The following RHOF variants were observed in gnomAD, a reference collection of about 807,000 sequenced individuals.
RHOF encodes the protein ras homolog family member F, filopodia associated.
A neutral mutation model predicts 22.2 loss-of-function variants in RHOF; 21 were observed. That is an observed-to-expected ratio of 0.95 (90% CI 0.67 to 1.36). The LOEUF (loss-of-function observed/expected upper bound fraction) is 1.36, where lower values mean the gene tolerates loss of function less well. Ranked by LOEUF, RHOF falls within the 40% of genes most tolerant of loss-of-function variation. The pLI, the probability that RHOF is intolerant of heterozygous loss-of-function variation, is 0.00. For synonymous variants in RHOF, 135 were observed against 131.2 expected (o/e 1.03, Z -0.20); for missense variants, 285 against 293.7 (o/e 0.97, Z 0.22).
intron 2 of RHOF, among the ~76,000 whole-genome samples, chr12:121,789,747 C>T (rs1253090205): frequency 6.6e-6 from 1 of 152,200 alleles, no homozygotes; most frequent in African/African-American, 2.4e-5. Flanking sequence ...TTCTGGGGCT[C>T]ACAACACACA....
intron 2 of RHOF, among the ~76,000 whole-genome samples, 182 bp downstream of exon 2, chr12:121,792,970 T>TA (rs1212914420): frequency 6.6e-6 from 1 of 152,158 alleles, no homozygotes; most frequent in Non-Finnish European, 1.5e-5. Context: ...ACCTTCCACT[T>TA]ACGTATAGGG....
At chr12:121,788,732 CT>C in intron 2 of RHOF, among the ~76,000 whole-genome samples, 2 of 152,196 alleles carry the variant, frequency 1.3e-5, no homozygotes, top group South Asian at 4.2e-4. Context: ...AACCCTCCCC[CT>C]AATCTGGAAG....
At chr12:121,790,178 CT>C (rs1315468163) in intron 2 of RHOF, among the ~76,000 whole-genome samples, 3 of 152,248 alleles carry the variant, frequency 2.0e-5, no homozygotes, top group African/African-American at 7.2e-5. Flanking sequence ...ACGAGGGCCC[CT>C]GTGGGCAGCG....
At chr12:121,793,462 C>A (rs2707067) in intron 1 of RHOF, 34 bp downstream of exon 1, 1,258,442 of 1,537,316 alleles carry the variant, frequency 0.82, 517,691 homozygotes, top group East Asian at 0.99. Flanking sequence ...AGGGGCGTCC[C>A]TCGCCCCCAC....
Position 121,779,747 on chromosome 12 carries a change from G to A in RHOF, c.472-85C>T, listed in dbSNP as rs944351454. On this transcript the variant is annotated intron_variant, in intron 4 of 4. Transcript: ENST00000267205. The stretch of plus-strand genomic sequence containing the variant: ...CTGGTGGGTTTGGGACTGGCTCTGA[G>A]GACTCTGCAGGGATGGAGGCCTTGG... The A allele has an allele frequency of 7.7e-6, 11 of 1,423,514 alleles. No individual in the cohort carries two copies. In the South Asian group the frequency reaches 1.3e-4, roughly 17 times the overall value. The allele number at this position is 1,423,514 out of a possible 1,614,324, so 88.2% of individuals were successfully genotyped here.
At chr12:121,789,149 G>A (rs1487549049) in intron 2 of RHOF, among the ~76,000 whole-genome samples, 1 of 152,108 alleles carries the variant, frequency 6.6e-6, no homozygotes, top group Non-Finnish European at 1.5e-5. Context: ...AGGATCACTT[G>A]AGCCCAAGAG....
At chr12:121,792,721 C>T (rs909787277) in intron 2 of RHOF, among the ~76,000 whole-genome samples, 1 of 152,212 alleles carries the variant, frequency 6.6e-6, no homozygotes, top group Non-Finnish European at 1.5e-5. Flanking sequence ...GATCTGCAGC[C>T]GGGAGCATCC....
chr12:121,781,037 C>T (rs373979678), intron 3 of RHOF, 31 bp from the exon 4 acceptor site: 681 of 1,612,990 alleles, frequency 4.2e-4, no homozygotes, highest in Non-Finnish European at 5.1e-4. Flanking sequence ...ATCAGGGGTG[C>T]GGCCGGGCCC....
At chr12:121,792,025 T>G (rs1168672) in intron 2 of RHOF, among the ~76,000 whole-genome samples, 119,125 of 152,208 alleles carry the variant, frequency 0.78, 47,242 homozygotes, top group East Asian at 0.98. Flanking sequence ...TGTTTTGGGG[T>G]TGGCCCTACA....
rs940556374 is a variant in RHOF, at chr12:121,785,725, C to T, written c.227-4533G>A. Among the ~76,000 whole-genome samples, 5 of 151,472 alleles carry T rather than the reference C, an allele frequency of 3.3e-5. 1 individual carries two copies. The highest frequency in any genetic ancestry group is 1.3e-4 in the Admixed American group (2 of 15,240). On this transcript the variant is annotated intron_variant, in intron 2 of 4. Transcript: ENST00000267205. ...TCCCGGGTTCAAGCGATTCTCCTGC[C>T]TCAGCCTCCTGAGTAGCTGGGACTT...
chr12:121,779,868 C>T, intron 4 of RHOF: 1 of 576,944 alleles, frequency 1.7e-6, no homozygotes, highest in Non-Finnish European at 3.1e-6. Flanking sequence ...TGGAAGAAGC[C>T]CTGTCCAGGC....
intron 2 of RHOF, among the ~76,000 whole-genome samples, chr12:121,785,503 T>A (rs894115724): frequency 1.3e-5 from 2 of 150,626 alleles, no homozygotes; most frequent in Admixed American, 6.6e-5. Flanking sequence ...CTCAGCTCAC[T>A]GTAAGCTACG....
At chr12:121,786,093 AT>A (rs1418537325) in intron 2 of RHOF, among the ~76,000 whole-genome samples, 1 of 131,938 alleles carries the variant, frequency 7.6e-6, no homozygotes, top group African/African-American at 2.9e-5. Context: ...TTTTTTTTTT[AT>A]TTTTTTAAGT....
chr12:121,793,070 G>T, intron 2 of RHOF, 82 bp downstream of exon 2: 1 of 1,200,270 alleles, frequency 8.3e-7, no homozygotes, highest in Non-Finnish European at 1.2e-6. Context: ...GCAGGGCGGG[G>T]ACACCCAGTG....
At chr12:121,788,542 G>C (rs1874673991) in intron 2 of RHOF, among the ~76,000 whole-genome samples, 1 of 152,258 alleles carries the variant, frequency 6.6e-6, no homozygotes, top group South Asian at 2.1e-4. Context: ...ACTTGGGGAT[G>C]GGGGAGCGTA....
intron 2 of RHOF, among the ~76,000 whole-genome samples, chr12:121,790,117 G>C (rs940459732): frequency 4.6e-5 from 7 of 152,230 alleles, no homozygotes; most frequent in African/African-American, 9.6e-5. Context: ...TCCCTCCGCT[G>C]TGGTGTCTGT....
In RHOF at chr12:121,793,482, G is replaced by C. The variant is rs1481369305; in HGVS notation, c.138+14C>G. On this transcript the variant is annotated intron_variant, in intron 1 of 4. Transcript: ENST00000267205. Reference sequence around the variant, plus strand: ...CGTCCCTCGCCCCCACCCCAGCCCCGCTGCGGGCCTCACCTCGGGGAAGGA... The same window carrying C: ...CGTCCCTCGCCCCCACCCCAGCCCCCCTGCGGGCCTCACCTCGGGGAAGGA... The C allele has an allele frequency of 6.5e-7, 1 of 1,540,084 alleles. No homozygotes were observed. The highest frequency in any genetic ancestry group is 2.4e-5 in the East Asian group (1 of 40,888).
chr12:121,791,725 G>T (rs1378783838), intron 2 of RHOF, among the ~76,000 whole-genome samples: 1 of 152,240 alleles, frequency 6.6e-6, no homozygotes, highest in Non-Finnish European at 1.5e-5. Flanking sequence ...TGTGGAGGCT[G>T]CCCTGAACAG....
intron 1 of RHOF, 100 bp downstream of exon 1, chr12:121,793,396 G>A: frequency 1.3e-6 from 2 of 1,481,762 alleles, no homozygotes; most frequent in East Asian, 2.5e-5. Context: ...GGTGGCGGCC[G>A]CCTGTCCGTG....
Sources: allele counts gnomAD v4.1 joint callset (sites outside exome capture counted in the v4.1 genomes callset), GRCh38; gene constraint gnomAD v4.1.1; transcripts MANE v1.5; gene names NCBI Gene and HGNC (gene_info 2026-07-23, HGNC 2026-07-21).